Variants in AKAP9 observed in about 807,000 individuals in gnomAD.
AKAP9 encodes the protein A-kinase anchor protein 9.
In AKAP9, 311 loss-of-function variants were observed where a neutral mutation model predicts 488.5. The ratio of observed to expected loss-of-function variants is 0.64; its 90% CI spans 0.58 to 0.70. AKAP9 has a LOEUF of 0.70. AKAP9 is among the 30% of genes least tolerant of loss of function. The probability of loss-of-function intolerance (pLI) is 0.00; values close to 1 mark genes in which losing one functional copy is unlikely to be tolerated. For synonymous variants in AKAP9, 1,462 were observed against 1,483.5 expected, an observed-to-expected ratio of 0.99 and a Z score of 0.33; for missense variants, 4,215 against 4,374.5, an observed-to-expected ratio of 0.96 and a Z score of 1.03.
intron 10 of AKAP9, among the ~76,000 whole-genome samples, chr7:92,015,480 T>A (rs761494103): frequency 6.6e-6 from 1 of 151,616 alleles, no homozygotes; most frequent in Non-Finnish European, 1.5e-5. Context: ...TTCTTGTACC[T>A]CACCTCCCGA....
intron 2 of AKAP9, among the ~76,000 whole-genome samples, chr7:91,974,762 AT>A (rs1255416715): frequency 6.6e-6 from 1 of 151,858 alleles, no homozygotes; most frequent in East Asian, 1.9e-4. Context: ...TAGGTTTTTA[AT>A]TTTTTTAATG....
intron 22 of AKAP9, among the ~76,000 whole-genome samples, 179 bp from the exon 23 acceptor site, chr7:92,061,081 A>G (rs534044764): frequency 1.3e-5 from 2 of 152,144 alleles, no homozygotes; most frequent in East Asian, 1.9e-4. Context: ...GCCAATATAC[A>G]TGTCTCCTCT....
At chr7:91,942,820 A>G (rs976373019) in intron 1 of AKAP9, among the ~76,000 whole-genome samples, 2 of 152,074 alleles carry the variant, frequency 1.3e-5, no homozygotes, top group African/African-American at 4.8e-5. Context: ...TTTAAGGTGA[A>G]TTTTTGTTGT....
chr7:92,030,025 T>C, intron 15 of AKAP9, 34 bp downstream of exon 15: 1 of 1,358,674 alleles, frequency 7.4e-7, no homozygotes, highest in South Asian at 1.2e-5. Flanking sequence ...TTTTAACTGT[T>C]ATATACACTG....
intron 8 of AKAP9, among the ~76,000 whole-genome samples, chr7:92,009,351 A>T (rs1800377676): frequency 2.0e-5 from 3 of 152,356 alleles, no homozygotes; most frequent in African/African-American, 7.2e-5. Flanking sequence ...ACATCCATCA[A>T]CAAATTTGAA....
chr7:92,012,486 A>T lies in AKAP9; in HGVS notation c.3376A>T (p.Thr1126Ser). The change falls in exon 9 of 50, where the codon ACT becomes TCT. Residue 1126 changes from threonine (T) to serine (S), a missense_variant. By Grantham distance (58) the Thr-to-Ser change is moderately conservative. Transcript: ENST00000356239. ...QRICLSLVYSTHVDQVREYME... is the reference protein window; with the variant it reads ...QRICLSLVYSSHVDQVREYME... ...CATTTGCCTCTCTCTGGTTTATTCAACTCATGTGGATCAGGTTCGTGAATA... is the reference window on the plus strand; with the variant it reads ...CATTTGCCTCTCTCTGGTTTATTCATCTCATGTGGATCAGGTTCGTGAATA... The T allele has an allele frequency of 6.2e-7, 1 of 1,614,094 alleles. No individual in the cohort carries two copies. Among genetic ancestry groups the T allele is most frequent in the South Asian group, 1.1e-5 (1 of 91,086 alleles).
chr7:92,022,292 C>A lies in AKAP9; in HGVS notation c.3892C>A (p.Pro1298Thr), dbSNP rs1183475101. The A allele has an allele frequency of 1.2e-6, 2 of 1,613,662 alleles. No individual in the cohort carries two copies. Residue 1298 changes from proline to threonine, a missense_variant, in exon 13 of 50, where the codon CCA becomes ACA. By Grantham distance (38) the Pro-to-Thr change is conservative. Around this residue, in one of 5 missense-constraint regions of AKAP9, gnomAD observed 2,361 missense variants for 2,430.0 expected, o/e 0.97. Transcript: ENST00000356239. ...MKLEFGEENL[P>T]KEETEFLSIH... Reference sequence around the variant, plus strand: ...ACTTGAATTTGGAGAAGAAAACCTTCCAAAAGAGGAAACAGAGTTTTTATC... The same window carrying A: ...ACTTGAATTTGGAGAAGAAAACCTTACAAAAGAGGAAACAGAGTTTTTATC...
intron 7 of AKAP9, among the ~76,000 whole-genome samples, chr7:92,000,427 G>A (rs1306101713): frequency 6.6e-6 from 1 of 152,120 alleles, no homozygotes; most frequent in South Asian, 2.1e-4. Flanking sequence ...ATACATGTGA[G>A]GAACTTTTAT....
rs1810044430 is a variant in AKAP9, at chr7:92,062,463, C to T, written c.5954C>T (p.Ala1985Val). 6.2e-7 allele frequency: 1 copy of T among 1,613,466 alleles called. No homozygotes were observed. The highest frequency in any genetic ancestry group is 1.3e-5 in the African/African-American group (1 of 75,020). ...TCCAGACAAAAGGAAGCTATGAAAG[C>T]AGAGGCAGGCCCAGTTGAACAACGT... ...LLSRQKEAMK[A>V]EAGPVEQQLL... is the part of the protein sequence containing the mutation. The change falls in exon 24 of 50, where the codon GCA (alanine) becomes GTA (valine). Residue 1985 changes from alanine to valine, a missense_variant. By Grantham distance (64) the Ala-to-Val change is moderately conservative (BLOSUM62 0). Coordinates refer to ENST00000356239, the MANE Select transcript of AKAP9 (RefSeq NM_005751.5).
intron 26 of AKAP9, 83 bp from the exon 27 acceptor site, chr7:92,069,947 C>T (rs1811410388): frequency 7.8e-7 from 1 of 1,275,382 alleles, no homozygotes; most frequent in East Asian, 2.3e-5. Flanking sequence ...TTGTAGATAT[C>T]CAAAATGAGG....
intron 22 of AKAP9, among the ~76,000 whole-genome samples, chr7:92,060,529 C>G (rs1162765256): frequency 6.6e-6 from 1 of 152,086 alleles, no homozygotes; most frequent in Non-Finnish European, 1.5e-5. Flanking sequence ...TAGCAGTGAT[C>G]AAGAGAGCTT....
intron 16 of AKAP9, among the ~76,000 whole-genome samples, chr7:92,036,864 C>G (rs754178304): frequency 1.3e-5 from 2 of 152,018 alleles, no homozygotes; most frequent in Non-Finnish European, 2.9e-5. Context: ...GACATTTTGC[C>G]GTAATGGGTA....
In AKAP9 at chr7:91,991,361, G is replaced by C. The variant is rs542273539; in HGVS notation, c.352-797G>C. The stretch of plus-strand genomic sequence containing the variant: ...TATGTTGCCCACAGTGGAGTGTGGT[G>C]GCAATTAATAGGTGTGCCAGTTGTG... On this transcript the variant is annotated intron_variant, in intron 3 of 49. Transcript: ENST00000356239. 5.3e-5 allele frequency among the ~76,000 whole-genome samples: 8 copies of C among 152,212 alleles called. No individual in the cohort carries two copies. The South Asian group carries it at 1.7e-3, about 32-fold the overall frequency.
chr7:91,956,514 CTT>C (rs1202132838), intron 1 of AKAP9, among the ~76,000 whole-genome samples: 3 of 151,744 alleles, frequency 2.0e-5, no homozygotes, highest in Admixed American at 2.0e-4. Flanking sequence ...TTCTGAGCTG[CTT>C]TGTATTTTTT....
At chr7:92,028,513 G>A (rs1297879066) in intron 14 of AKAP9, among the ~76,000 whole-genome samples, 2 of 152,034 alleles carry the variant, frequency 1.3e-5, no homozygotes, top group Non-Finnish European at 2.9e-5. Flanking sequence ...GCAGGAAAGG[G>A]CAGAGAAGAA....
intron 5 of AKAP9, 31 bp downstream of exon 5, chr7:91,993,086 C>G: frequency 6.2e-7 from 1 of 1,613,060 alleles, no homozygotes; most frequent in Non-Finnish European, 8.5e-7. Flanking sequence ...TTTTGATTTG[C>G]TACTCACAAA....
At chr7:91,969,980 CTCT>C (rs1387669670) in intron 1 of AKAP9, among the ~76,000 whole-genome samples, 1 of 152,022 alleles carries the variant, frequency 6.6e-6, no homozygotes, top group African/African-American at 2.4e-5. Context: ...TGTAATTCCT[CTCT>C]TCTTCCTTTC....
intron 1 of AKAP9, among the ~76,000 whole-genome samples, chr7:91,956,156 T>C (rs528310706): frequency 1.3e-5 from 2 of 151,780 alleles, no homozygotes; most frequent in Non-Finnish European, 2.9e-5. Context: ...GTCCCGGCAC[T>C]TTGGGAGGCT....
chr7:92,087,657 A>T (rs1456927029), intron 37 of AKAP9, among the ~76,000 whole-genome samples: 1 of 151,984 alleles, frequency 6.6e-6, no homozygotes, highest in African/African-American at 2.4e-5. Context: ...GATTCTAGGG[A>T]TGGACCAGGG....
Sources: gnomAD v4.1 joint callset for allele counts (sites outside exome capture counted in the v4.1 genomes callset) on GRCh38, gnomAD v4.1.1 for gene constraint, gnomAD v4.1.1 regional missense constraint, MANE v1.5 for transcripts, NCBI Gene and HGNC (gene_info 2026-07-23, HGNC 2026-07-21) for gene names.